Variants in PXT1 observed in about 807,000 individuals in gnomAD.
PXT1 encodes the protein peroxisomal testis enriched protein 1, also known as peroxisomal testis-specific protein 1.
PXT1 carries 11 observed loss-of-function variants against 11.0 expected under a neutral mutation model. That is an observed-to-expected ratio of 1.00 (90% CI 0.63 to 1.66). The LOEUF is 1.66. Ranked by LOEUF, PXT1 falls within the 40% of genes most tolerant of loss-of-function variation. The pLI is 0.00. For synonymous variants in PXT1, 43 were observed against 51.4 expected (o/e 0.84, Z 0.70); for missense variants, 141 against 155.5 (o/e 0.91, Z 0.49).
chr6:36,413,711 G>A (rs1440374171), intron 3 of PXT1, among the ~76,000 whole-genome samples: 1 of 151,760 alleles, frequency 6.6e-6, no homozygotes, highest in Non-Finnish European at 1.5e-5. Context: ...TATGTGAGAG[G>A]CGGGGCCAGG....
chr6:36,392,607 G>T (rs1266542855), intron 4 of PXT1, among the ~76,000 whole-genome samples: 3 of 152,166 alleles, frequency 2.0e-5, no homozygotes, highest in Non-Finnish European at 4.4e-5. Flanking sequence ...GCTGCAGTGA[G>T]CTGTGATTGT....
chr6:36,392,004 G>T, intron 4 of PXT1, 130 bp from the exon 5 acceptor site: 1 of 643,982 alleles, frequency 1.6e-6, no homozygotes, highest in Non-Finnish European at 2.7e-6. Flanking sequence ...AGCTTCTTGG[G>T]TTGCTTTATG....
chr6:36,419,810 A>G (rs2127415130), intron 3 of PXT1, among the ~76,000 whole-genome samples: 1 of 152,298 alleles, frequency 6.6e-6, no homozygotes, highest in African/African-American at 2.4e-5. Flanking sequence ...ACATTCATGT[A>G]TTTAAAGCTC....
At chr6:36,398,172 A>G (rs1241936085) in intron 4 of PXT1, among the ~76,000 whole-genome samples, 1 of 152,222 alleles carries the variant, frequency 6.6e-6, no homozygotes, top group African/African-American at 2.4e-5. Flanking sequence ...GCACAATGAG[A>G]TACACTTCAT....
chr6:36,423,978 T>C (rs1272693240), intron 3 of PXT1, among the ~76,000 whole-genome samples: 1 of 152,212 alleles, frequency 6.6e-6, no homozygotes, highest in East Asian at 1.9e-4. Flanking sequence ...GCAGCAGCGT[T>C]AGTAACTTCA....
At chr6:36,440,633 G>A (rs889631184) in intron 1 of PXT1, among the ~76,000 whole-genome samples, 1 of 151,186 alleles carries the variant, frequency 6.6e-6, no homozygotes, top group African/African-American at 2.4e-5. Context: ...TCAGAGACTC[G>A]GGGTCTTGAG....
intron 3 of PXT1, among the ~76,000 whole-genome samples, chr6:36,407,655 C>T (rs534677563): frequency 7.9e-5 from 12 of 151,842 alleles, no homozygotes; most frequent in East Asian, 3.9e-4. Flanking sequence ...ATCCTCCTGC[C>T]TCCGCGTCCA....
intron 4 of PXT1, among the ~76,000 whole-genome samples, chr6:36,398,509 G>A (rs1198679893): frequency 6.6e-6 from 1 of 152,154 alleles, no homozygotes; most frequent in African/African-American, 2.4e-5. Context: ...TAAGCAAAAT[G>A]TGGTATATCG....
intron 2 of PXT1, among the ~76,000 whole-genome samples, chr6:36,433,173 C>G (rs934764737): frequency 6.8e-6 from 1 of 147,752 alleles, no homozygotes; most frequent in Non-Finnish European, 1.5e-5. Context: ...GGAAAAGAAT[C>G]ACAGAAAACT....
chr6:36,412,897 GA>G (rs35573023), intron 3 of PXT1, among the ~76,000 whole-genome samples: 3 of 148,290 alleles, frequency 2.0e-5, no homozygotes, highest in African/African-American at 5.0e-5. Context: ...TTGATAGCCT[GA>G]AAAAAAGTTA....
rs556688944 is a variant in PXT1, at chr6:36,425,271, T to C, written c.169+643A>G. Among the ~76,000 whole-genome samples the C allele has an allele frequency of 1.6e-4, 25 of 152,282 alleles. No individual in the cohort carries two copies. In the South Asian group the frequency reaches 5.0e-3, roughly 30 times the overall value. On this transcript the variant is annotated intron_variant, in intron 3 of 4. Transcript: ENST00000454782. ...ATCTGAATGTTCCCTACCTTAACAA[T>C]ACTGACACTGTCAGGTCCAATTTAA...
At chr6:36,431,758 C>A (rs914829175) in intron 2 of PXT1, among the ~76,000 whole-genome samples, 9 of 151,288 alleles carry the variant, frequency 5.9e-5, no homozygotes, top group Non-Finnish European at 1.3e-4. Flanking sequence ...AGAGTGAGAC[C>A]CTGCCTAAAA....
chr6:36,430,105 G>A (rs1774671401), intron 2 of PXT1, among the ~76,000 whole-genome samples: 1 of 151,938 alleles, frequency 6.6e-6, no homozygotes, highest in Admixed American at 6.6e-5. Flanking sequence ...TACTTGGGAG[G>A]CTGAGGCAGG....
chr6:36,429,592 G>A (rs1295035716), intron 2 of PXT1, among the ~76,000 whole-genome samples: 5 of 136,248 alleles, frequency 3.7e-5, no homozygotes, highest in Non-Finnish European at 7.6e-5. Flanking sequence ...TGCAACCTCC[G>A]CCTCCCAGGT....
intron 1 of PXT1, among the ~76,000 whole-genome samples, chr6:36,440,803 C>A (rs1403557473): frequency 6.6e-6 from 1 of 152,038 alleles, no homozygotes; most frequent in Non-Finnish European, 1.5e-5. Flanking sequence ...AAAAGTTGAA[C>A]CATTAACTAT....
chr6:36,433,166 A>G (rs531976680), intron 2 of PXT1, among the ~76,000 whole-genome samples: 1 of 152,074 alleles, frequency 6.6e-6, no homozygotes, highest in East Asian at 1.9e-4. Context: ...TCAGGGGGGA[A>G]AAGAATCACA....
At chr6:36,423,677 C>T (rs1467001066) in intron 3 of PXT1, among the ~76,000 whole-genome samples, 1 of 152,196 alleles carries the variant, frequency 6.6e-6, no homozygotes, top group African/African-American at 2.4e-5. Context: ...CCGCACATCC[C>T]TCATTTCTTC....
rs1774072529 is a variant in PXT1, at chr6:36,391,866, T to G, written c.309A>C (p.Gln103His). ...GATCTAGTGCATCTCTGCCATCCTG[T>G]TGAAGATCCTATTTGAAAAAAGGGA... ...IDHRMVREDL[Q>H]QDGRDALDHF... Residue 103 changes from glutamine to histidine, a missense_variant, in exon 5 of 5, where the codon CAA becomes CAC. Coordinates refer to ENST00000454782, the MANE Select transcript of PXT1 (RefSeq NM_152990.4). 6.2e-7 allele frequency: 1 copy of G among 1,603,508 alleles called. No homozygotes were observed. The highest frequency in any genetic ancestry group is 8.5e-7 in the Non-Finnish European group (1 of 1,175,062).
intron 1 of PXT1, among the ~76,000 whole-genome samples, chr6:36,439,703 G>T (rs947617998): frequency 6.6e-6 from 1 of 150,758 alleles, no homozygotes; most frequent in Admixed American, 6.6e-5. Context: ...AATGAGACTT[G>T]TGTGTTCATA....
Sources: gnomAD v4.1 joint callset for allele counts (sites outside exome capture counted in the v4.1 genomes callset) on GRCh38, gnomAD v4.1.1 for gene constraint, MANE v1.5 for transcripts, NCBI Gene and HGNC (gene_info 2026-07-23, HGNC 2026-07-21) for gene names.